The following AIG1 variants were observed in gnomAD, a reference collection of about 807,000 sequenced individuals.
The protein encoded by AIG1 is androgen induced 1.
A neutral mutation model predicts 31.4 loss-of-function variants in AIG1; 23 were observed. That is an observed-to-expected ratio of 0.73 (90% CI 0.53 to 1.04). The LOEUF (loss-of-function observed/expected upper bound fraction) is 1.04, where lower values mean the gene tolerates loss of function less well. Ranked by LOEUF, AIG1 falls within the 50% of genes least tolerant of loss-of-function variation. AIG1 has a pLI of 0.00. For synonymous variants in AIG1, 100 were observed against 110.5 expected (o/e 0.90, Z 0.60); for missense variants, 274 against 295.0 (o/e 0.93, Z 0.52).
intron 3 of AIG1, among the ~76,000 whole-genome samples, chr6:143,187,231 T>C (rs904806547): frequency 2.0e-5 from 3 of 152,250 alleles, no homozygotes; most frequent in Admixed American, 6.5e-5. Flanking sequence ...CCTTATTTAT[T>C]GTTAAGAATT....
intron 3 of AIG1, among the ~76,000 whole-genome samples, chr6:143,171,097 A>C (rs1787466334): frequency 6.6e-6 from 1 of 151,958 alleles, no homozygotes; most frequent in African/African-American, 2.4e-5. Flanking sequence ...ACATCCAGAT[A>C]CAGAAAGCTG....
At chr6:143,062,160 A>G (rs907240597) in intron 1 of AIG1, among the ~76,000 whole-genome samples, 2 of 152,228 alleles carry the variant, frequency 1.3e-5, no homozygotes, top group East Asian at 1.9e-4. Context: ...GGATGCCTCA[A>G]AGAAATGCAG....
chr6:143,263,970 C>T (rs1795980087), intron 3 of AIG1, among the ~76,000 whole-genome samples: 1 of 152,156 alleles, frequency 6.6e-6, no homozygotes, highest in Non-Finnish European at 1.5e-5. Flanking sequence ...AGGAATCGAA[C>T]TATAGTCCTT....
intron 3 of AIG1, among the ~76,000 whole-genome samples, chr6:143,275,264 C>A (rs1179214930): frequency 6.6e-6 from 1 of 152,130 alleles, no homozygotes; most frequent in African/African-American, 2.4e-5. Flanking sequence ...CCTTGAAAAG[C>A]CAGCAGGATA....
intron 2 of AIG1, among the ~76,000 whole-genome samples, chr6:143,145,470 C>T (rs953360053): frequency 2.0e-5 from 3 of 152,144 alleles, no homozygotes; most frequent in Non-Finnish European, 4.4e-5. Context: ...TGTTCAAGGA[C>T]AGAAAAGGAA....
intron 1 of AIG1, chr6:143,099,503 A>G (rs925065604): frequency 6.6e-6 from 1 of 152,192 alleles, no homozygotes; most frequent in African/African-American, 2.4e-5. Flanking sequence ...TGTTTTCCAT[A>G]TCATGTTATT....
At chr6:143,233,396 G>A (rs546953913) in intron 3 of AIG1, among the ~76,000 whole-genome samples, 1 of 152,028 alleles carries the variant, frequency 6.6e-6, no homozygotes, top group South Asian at 2.1e-4. Flanking sequence ...GTGGTTTGAC[G>A]AGATAAAGAA....
intron 3 of AIG1, among the ~76,000 whole-genome samples, chr6:143,257,767 T>C (rs1795469687): frequency 6.6e-6 from 1 of 152,198 alleles, no homozygotes; most frequent in Admixed American, 6.5e-5. Flanking sequence ...GGGTCTTGGG[T>C]CATCTGTGAA....
chr6:143,251,924 A>G (rs1163037596), intron 3 of AIG1, among the ~76,000 whole-genome samples: 1 of 152,180 alleles, frequency 6.6e-6, no homozygotes, highest in African/African-American at 2.4e-5. Context: ...CCATTTCTTC[A>G]TCTCCAAAGC....
At chr6:143,264,590 A>T (rs1796025736) in intron 3 of AIG1, among the ~76,000 whole-genome samples, 1 of 152,184 alleles carries the variant, frequency 6.6e-6, no homozygotes, top group South Asian at 2.1e-4. Context: ...TGTTCCATTG[A>T]AATCCAAACA....
chr6:143,238,349 C>T (rs1272040569), intron 3 of AIG1, among the ~76,000 whole-genome samples: 1 of 152,204 alleles, frequency 6.6e-6, no homozygotes, highest in East Asian at 1.9e-4. Context: ...GAATTATTTT[C>T]TCATAACAAC....
chr6:143,061,358 C>T (rs1776243732), intron 1 of AIG1: 5 of 542,996 alleles, frequency 9.2e-6, no homozygotes, highest in Middle Eastern at 2.8e-4. Flanking sequence ...TGGAGGGGGA[C>T]ACCGAACTGC....
At position 143,136,820 on chromosome 6, in the gene AIG1, G is replaced by C. The variant is rs2128521483; in HGVS notation, c.142-15G>C. The C allele has an allele frequency of 7.3e-7, 1 of 1,365,186 alleles. No homozygotes were observed. Among genetic ancestry groups the C allele is most frequent in the Non-Finnish European group, 9.6e-7 (1 of 1,043,950 alleles). The allele number at this position is 1,365,186 out of a possible 1,614,324, so 84.6% of individuals were successfully genotyped here. The stretch of plus-strand genomic sequence containing the variant: ...CAGATCTTAATGACTCATACCGGCT[G>C]TTGTCCCCCTACAGGTTATCCAGGC... On this transcript the variant is annotated splice_polypyrimidine_tract_variant and intron_variant, in intron 1 of 5. Coordinates refer to ENST00000357847, the MANE Select transcript of AIG1 (RefSeq NM_016108.4).
chr6:143,225,953 A>G (rs976330121), intron 3 of AIG1, among the ~76,000 whole-genome samples: 1 of 152,214 alleles, frequency 6.6e-6, no homozygotes, highest in African/African-American at 2.4e-5. Context: ...TTTAAATAGC[A>G]CATCTGTGAC....
intron 3 of AIG1, among the ~76,000 whole-genome samples, chr6:143,283,184 G>A (rs1448126749): frequency 6.6e-6 from 1 of 152,298 alleles, no homozygotes; most frequent in East Asian, 1.9e-4. Context: ...AAGAATTTTA[G>A]TTTCCTTTCT....
chr6:143,259,664 C>T (rs1432371419), intron 3 of AIG1, among the ~76,000 whole-genome samples: 1 of 152,162 alleles, frequency 6.6e-6, no homozygotes, highest in African/African-American at 2.4e-5. Context: ...TCCTTGCGTG[C>T]TCATAACCAA....
intron 2 of AIG1, among the ~76,000 whole-genome samples, chr6:143,162,017 G>T (rs899560525): frequency 6.6e-6 from 1 of 152,178 alleles, no homozygotes. Context: ...TTTGCAGATC[G>T]TGTAAGTATA....
chr6:143,320,707 G>C (rs1483067399), intron 4 of AIG1, among the ~76,000 whole-genome samples: 1 of 152,046 alleles, frequency 6.6e-6, no homozygotes, highest in Non-Finnish European at 1.5e-5. Context: ...AGGAGGTGTT[G>C]GTCAAAGGGT....
Position 143,328,095 on chromosome 6 carries a change from G to A in AIG1, c.516-5187G>A, listed in dbSNP as rs1776758101. Among the ~76,000 whole-genome samples, 1 of 152,166 alleles carries A rather than the reference G, an allele frequency of 6.6e-6. No homozygotes were observed. The highest frequency in any genetic ancestry group is 2.4e-5 in the African/African-American group (1 of 41,436). On this transcript the variant is annotated intron_variant, in intron 4 of 5. Transcript: ENST00000357847. This position sits in a 1 kb window ranked among gnomAD's most constrained non-coding sequence, Gnocchi z 4.0. ...AGCAAATCCAAAAATTAGTGGTAGGGTAGTGAAGGGTGCACTGACAAAGGG... is the reference window on the plus strand; with the variant it reads ...AGCAAATCCAAAAATTAGTGGTAGGATAGTGAAGGGTGCACTGACAAAGGG...
Sources: gnomAD v4.1 joint callset for allele counts (sites outside exome capture counted in the v4.1 genomes callset) on GRCh38, gnomAD v4.1.1 for gene constraint, Gnocchi (gnomAD v3.1) non-coding constraint, MANE v1.5 for transcripts, NCBI Gene and HGNC (gene_info 2026-07-23, HGNC 2026-07-21) for gene names.